The following DLG3 variants were observed in gnomAD, a reference collection of about 807,000 sequenced individuals.
DLG3 encodes the protein disks large homolog 3.
Under a neutral mutation model 64.1 loss-of-function variants are expected in DLG3, and 1 was observed. The observed-to-expected ratio is 0.02, with a 90% CI of 0.01 to 0.07. The LOEUF (loss-of-function observed/expected upper bound fraction) is 0.07, where lower values mean the gene tolerates loss of function less well. DLG3 is among the 10% of genes least tolerant of loss of function. The probability of loss-of-function intolerance (pLI) is 1.00; values close to 1 mark genes in which losing one functional copy is unlikely to be tolerated. For missense variants in DLG3, 429 were observed against 669.5 expected, an observed-to-expected ratio of 0.64 and a Z score of 3.96; for synonymous variants, 245 against 259.8, an observed-to-expected ratio of 0.94 and a Z score of 0.55.
chrX:70,476,952 A>C (rs767517071), intron 9 of DLG3, among the ~76,000 whole-genome samples: 22 of 113,062 alleles, frequency 1.9e-4, no homozygotes, highest in Non-Finnish European at 2.8e-4. Context: ...CAATTTAATA[A>C]ACTTGAAATT....
chrX:70,456,751 C>CT (rs71909380), intron 9 of DLG3, among the ~76,000 whole-genome samples: 493 of 103,838 alleles, frequency 4.7e-3, no homozygotes, highest in African/African-American at 0.016. Flanking sequence ...CATGCAAAAG[C>CT]TTTTTTTTTT....
chrX:70,501,031 C>T (rs945534146), intron 18 of DLG3, 42 bp downstream of exon 18: 7 of 987,839 alleles, frequency 7.1e-6, no homozygotes, highest in Admixed American at 2.5e-5. Context: ...GGGGAACTAG[C>T]CAGGTACCTG....
intron 9 of DLG3, among the ~76,000 whole-genome samples, chrX:70,478,120 C>T (rs752704599): frequency 2.7e-5 from 3 of 112,522 alleles, no homozygotes; most frequent in African/African-American, 9.7e-5. Context: ...TGTTTTCTAG[C>T]ATTTCCACGG....
chrX:70,455,882 G>T (rs1354838354), intron 9 of DLG3: 1 of 111,520 alleles, frequency 9.0e-6, no homozygotes, highest in Non-Finnish European at 1.9e-5. Context: ...CTCTATTTCC[G>T]CGATGAGAGG....
intron 9 of DLG3, among the ~76,000 whole-genome samples, chrX:70,470,347 C>G (rs908702601): frequency 1.3e-4 from 14 of 110,704 alleles, no homozygotes; most frequent in African/African-American, 4.6e-4. Flanking sequence ...TCTCGTGCCT[C>G]AGCCTCCTGA....
At chrX:70,478,480 AT>A (rs2087095675) in intron 9 of DLG3, among the ~76,000 whole-genome samples, 1 of 111,261 alleles carries the variant, frequency 9.0e-6, no homozygotes, top group Non-Finnish European at 1.9e-5. Flanking sequence ...GTTTGGGAGA[AT>A]TTATGTTTTA....
chrX:70,490,258 T>A (rs933158689), intron 10 of DLG3, among the ~76,000 whole-genome samples: 1 of 112,330 alleles, frequency 8.9e-6, no homozygotes, highest in Non-Finnish European at 1.9e-5. Context: ...TTTGTTCTAA[T>A]CTTTGAAACC....
chrX:70,477,624 G>A (rs2087078087), intron 9 of DLG3, among the ~76,000 whole-genome samples: 1 of 111,321 alleles, frequency 9.0e-6, no homozygotes, highest in Non-Finnish European at 1.9e-5. Context: ...CCCCCGCAAC[G>A]TTTAATGGGT....
At chrX:70,452,285 G>C (rs1602872529) in intron 7 of DLG3, 44 of 1,056,859 alleles carry the variant, frequency 4.2e-5, no homozygotes, top group Non-Finnish European at 5.3e-5. Flanking sequence ...GATAAAGAAA[G>C]GATGGGGTGG....
intron 9 of DLG3, among the ~76,000 whole-genome samples, chrX:70,459,104 C>T (rs2086761410): frequency 9.0e-6 from 1 of 111,409 alleles, no homozygotes; most frequent in Admixed American, 9.6e-5. Flanking sequence ...TCTTGAAAGC[C>T]CTTTTGTTTT....
At chrX:70,469,387 C>G (rs1168761815) in intron 9 of DLG3, among the ~76,000 whole-genome samples, 1 of 110,580 alleles carries the variant, frequency 9.0e-6, no homozygotes, top group Admixed American at 9.7e-5. Context: ...ATACTTACTC[C>G]ATACTAACAA....
chrX:70,497,990 A>G (rs2087485842), intron 13 of DLG3, among the ~76,000 whole-genome samples: 1 of 111,530 alleles, frequency 9.0e-6, no homozygotes, highest in South Asian at 3.8e-4. Context: ...ATTGCTCTTA[A>G]AGGGCACTGG....
intron 10 of DLG3, among the ~76,000 whole-genome samples, chrX:70,485,889 T>G: frequency 9.0e-6 from 1 of 111,700 alleles, no homozygotes; most frequent in African/African-American, 3.3e-5. Context: ...GCACGTACAT[T>G]ATCCCTGTGG....
Position 70,501,007 on chromosome X carries a change from C to CTG in DLG3, c.2347+19_2347+20dup. ...CTTTACAGGTAAGACTCCTGCTGCC[C>CTG]TGCGGGGGGTTCTGGGGAACTAGCC... On this transcript the variant is annotated intron_variant, in intron 18 of 18. Transcript: ENST00000374360. 1 of 1,126,626 alleles carries CTG rather than the reference C, an allele frequency of 8.9e-7. No homozygotes were observed. Among genetic ancestry groups the CTG allele is most frequent in the East Asian group, 3.2e-5 (1 of 31,429 alleles). 92.8% of individuals were successfully genotyped at this position (1,126,626 alleles called of 1,213,427 possible).
chrX:70,449,708 G>A lies in DLG3; in HGVS notation c.552G>A (p.Leu184=), dbSNP rs142606535. ...DGRLGVNDCV[L]RVNEVDVSEV... Reference sequence around the variant, plus strand: ...CCCACAGGGTGAATGACTGTGTGCTGCGGGTGAATGAGGTGGACGTGTCGG... The same window carrying A: ...CCCACAGGGTGAATGACTGTGTGCTACGGGTGAATGAGGTGGACGTGTCGG... Residue 184 remains leucine, a synonymous_variant, in exon 4 of 19, where the codon CTG becomes CTA. Coordinates refer to ENST00000374360, the MANE Select transcript of DLG3 (RefSeq NM_021120.4). 8.3e-7 allele frequency: 1 copy of A among 1,209,354 alleles called. No homozygotes were observed. The highest frequency in any genetic ancestry group is 1.7e-5 in the African/African-American group (1 of 57,240).
chrX:70,447,339 G>T (rs2086578744), intron 1 of DLG3, among the ~76,000 whole-genome samples: 1 of 112,098 alleles, frequency 8.9e-6, no homozygotes, highest in African/African-American at 3.2e-5. Context: ...GTGTCCCTTT[G>T]CTTATGTGTC....
chrX:70,455,160 C>G (rs2086682468), intron 9 of DLG3: 24 of 751,372 alleles, frequency 3.2e-5, no homozygotes, highest in South Asian at 6.9e-5. Flanking sequence ...CTCCCCTCCT[C>G]CCGCGCGCCC....
chrX:70,445,512 G>C lies in DLG3; in HGVS notation c.311G>C (p.Ser104Thr). ...CCCAAACTCAACGGCAGCGGCCCCA[G>C]CTGGTGGCCAGAGTGCACCTGTACC... is the stretch of plus-strand genomic sequence containing the variant. ...STPKLNGSGP[S>T]WWPECTCTNR... Residue 104 changes from serine (S) to threonine (T), a missense_variant, in exon 1 of 19, where the codon AGC becomes ACC. Around this residue, in one of 9 missense-constraint regions of DLG3, gnomAD observed 123 missense variants for 113.3 expected, o/e 1.09. Coordinates refer to ENST00000374360, the MANE Select transcript of DLG3 (RefSeq NM_021120.4). 1 of 1,191,313 alleles carries C rather than the reference G, an allele frequency of 8.4e-7. No individual in the cohort carries two copies. The highest frequency in any genetic ancestry group is 1.1e-6 in the Non-Finnish European group (1 of 885,491).
chrX:70,499,685 G>T (rs773612452), intron 15 of DLG3, among the ~76,000 whole-genome samples, 192 bp from the exon 16 acceptor site: 41 of 111,371 alleles, frequency 3.7e-4, no homozygotes, highest in African/African-American at 1.3e-3. Context: ...AGCCCCCTGT[G>T]TGAGACCTGG....
Sources: gnomAD v4.1 joint callset for allele counts (sites outside exome capture counted in the v4.1 genomes callset) on GRCh38, gnomAD v4.1.1 for gene constraint, gnomAD v4.1.1 regional missense constraint, MANE v1.5 for transcripts, NCBI Gene and HGNC (gene_info 2026-07-23, HGNC 2026-07-21) for gene names.